The following LIN52 variants were observed in gnomAD, a reference collection of about 807,000 sequenced individuals.
LIN52 encodes lin-52 DREAM MuvB core complex component.
Under a neutral mutation model 18.5 loss-of-function variants are expected in LIN52, and 4 were observed. That is an observed-to-expected ratio of 0.22 (90% CI 0.11 to 0.49). The LOEUF (loss-of-function observed/expected upper bound fraction) is 0.49. Ranked by LOEUF, LIN52 falls within the 20% of genes least tolerant of loss-of-function variation. The pLI, the probability that LIN52 is intolerant of heterozygous loss-of-function variation, is 0.97. For synonymous variants in LIN52, 34 were observed against 45.5 expected, an observed-to-expected ratio of 0.75 and a Z score of 1.02; for missense variants, 102 against 139.5, an observed-to-expected ratio of 0.73 and a Z score of 1.35.
intron 5 of LIN52, among the ~76,000 whole-genome samples, chr14:74,152,689 C>T (rs995272936): frequency 5.3e-5 from 8 of 151,688 alleles, no homozygotes; most frequent in Non-Finnish European, 1.2e-4. Context: ...CAGCTGGGCG[C>T]AGTGGCTTAC....
chr14:74,183,936 A>G (rs180888535), intron 5 of LIN52, among the ~76,000 whole-genome samples: 1 of 152,198 alleles, frequency 6.6e-6, no homozygotes, highest in African/African-American at 2.4e-5. Context: ...TTTTTTTACA[A>G]TAGGTTTGTT....
chr14:74,144,617 A>AAACTAGAG (rs11281584), intron 5 of LIN52, among the ~76,000 whole-genome samples: 1 of 151,952 alleles, frequency 6.6e-6, no homozygotes, highest in Non-Finnish European at 1.5e-5. Context: ...CTTCTGTGGT[A>AAACTAGAG]AGTCAGCTTG....
chr14:74,091,166 G>A, intron 1 of LIN52, 66 bp from the exon 2 acceptor site: 1 of 1,153,734 alleles, frequency 8.7e-7, no homozygotes, highest in East Asian at 2.4e-5. Flanking sequence ...TGTCCTTTGA[G>A]ATTGAAGTAT....
intron 4 of LIN52, among the ~76,000 whole-genome samples, chr14:74,100,111 C>T (rs963338990): frequency 6.6e-6 from 1 of 152,028 alleles, no homozygotes; most frequent in African/African-American, 2.4e-5. Context: ...GTTTTGTTGC[C>T]ACTTTATTAT....
At chr14:74,116,925 A>T (rs1282689214) in intron 5 of LIN52, among the ~76,000 whole-genome samples, 1 of 151,092 alleles carries the variant, frequency 6.6e-6, no homozygotes, top group Non-Finnish European at 1.5e-5. Flanking sequence ...AGTGGTTTTT[A>T]AAATTTTCTG....
intron 5 of LIN52, among the ~76,000 whole-genome samples, chr14:74,144,078 C>T (rs2061144160): frequency 6.6e-6 from 1 of 151,830 alleles, no homozygotes; most frequent in Admixed American, 6.6e-5. Context: ...TAACATGATG[C>T]CCTCCAGTTT....
chr14:74,144,287 T>C (rs2061144953), intron 5 of LIN52, among the ~76,000 whole-genome samples: 1 of 151,892 alleles, frequency 6.6e-6, no homozygotes, highest in Admixed American at 6.6e-5. Context: ...TAATTTTTTT[T>C]TTTTTAATTG....
intron 5 of LIN52, among the ~76,000 whole-genome samples, chr14:74,183,098 T>C (rs2061325618): frequency 1.1e-5 from 1 of 89,862 alleles, no homozygotes; most frequent in African/African-American, 3.5e-5. Context: ...TCTCTCTCTC[T>C]CTCTCTTTTT....
chr14:74,085,886 A>G (rs12232167), intron 1 of LIN52, among the ~76,000 whole-genome samples: 16,968 of 152,232 alleles, frequency 0.11, 1,245 homozygotes, highest in Admixed American at 0.19. Context: ...TTTGGAAGGA[A>G]TCTTGGAAGT....
At chr14:74,112,986 C>G (rs1412309382) in intron 5 of LIN52, among the ~76,000 whole-genome samples, 2 of 152,002 alleles carry the variant, frequency 1.3e-5, no homozygotes, top group Non-Finnish European at 2.9e-5. Flanking sequence ...TGCCTAGGAC[C>G]ATTGAATTGA....
intron 5 of LIN52, among the ~76,000 whole-genome samples, chr14:74,129,206 A>T (rs553805441): frequency 1.3e-5 from 2 of 152,282 alleles, no homozygotes; most frequent in East Asian, 3.9e-4. Context: ...CTTAAGAGGG[A>T]CAAAGGGTGA....
intron 5 of LIN52, among the ~76,000 whole-genome samples, chr14:74,122,299 C>T (rs4903188): frequency 0.22 from 34,174 of 151,986 alleles, 4,172 homozygotes; most frequent in South Asian, 0.46. Flanking sequence ...TCTTAGGAGA[C>T]AATGCTGAAG....
At chr14:74,175,752 C>CA (rs1566867516) in intron 5 of LIN52, among the ~76,000 whole-genome samples, 10,089 of 115,926 alleles carry the variant, frequency 0.087, 437 homozygotes, top group East Asian at 0.13. Context: ...ACACACACAC[C>CA]CCCATTATAC....
chr14:74,127,738 T>C (rs532239970), intron 5 of LIN52, among the ~76,000 whole-genome samples: 1 of 152,248 alleles, frequency 6.6e-6, no homozygotes, highest in African/African-American at 2.4e-5. Context: ...AATAAGTCTT[T>C]TTTTAAACTT....
chr14:74,085,250 CA>C (rs1469464074), intron 1 of LIN52: 1 of 372,814 alleles, frequency 2.7e-6, no homozygotes, highest in East Asian at 3.8e-5. Context: ...GGTAAAAGGA[CA>C]GGGGGGTCGC....
intron 5 of LIN52, among the ~76,000 whole-genome samples, chr14:74,123,867 G>GT (rs892169407): frequency 6.6e-6 from 1 of 152,108 alleles, no homozygotes; most frequent in African/African-American, 2.4e-5. Flanking sequence ...AGAGATCCTG[G>GT]TTATTGGAAG....
intron 5 of LIN52, among the ~76,000 whole-genome samples, chr14:74,157,113 A>C (rs1263431560): frequency 1.1e-4 from 17 of 148,676 alleles, no homozygotes; most frequent in Admixed American, 6.8e-5. Flanking sequence ...GCTCACTGCA[A>C]CCTCCACCTC....
chr14:74,096,295 A>G (rs1486148531), intron 3 of LIN52, among the ~76,000 whole-genome samples: 1 of 152,032 alleles, frequency 6.6e-6, no homozygotes, highest in Non-Finnish European at 1.5e-5. Context: ...CCTGACCTCA[A>G]GTGATCCACC....
intron 5 of LIN52, among the ~76,000 whole-genome samples, chr14:74,122,985 T>C (rs1176860876): frequency 7.9e-5 from 12 of 152,180 alleles, no homozygotes; most frequent in Non-Finnish European, 1.6e-4. Flanking sequence ...CACTTTGAGA[T>C]TTGTTGCCTT....
Sources: gnomAD v4.1 joint callset for allele counts (sites outside exome capture counted in the v4.1 genomes callset) on GRCh38, gnomAD v4.1.1 for gene constraint, MANE v1.5 for transcripts, NCBI Gene and HGNC (gene_info 2026-07-23, HGNC 2026-07-21) for gene names.